The following OSBPL6 variants were observed in gnomAD, a reference collection of about 807,000 sequenced individuals.
OSBPL6 encodes the protein oxysterol binding protein like 6.
A neutral mutation model predicts 125.8 loss-of-function variants in OSBPL6; 49 were observed. The observed-to-expected ratio is 0.39, with a 90% CI of 0.31 to 0.49. The LOEUF is 0.49. Ranked by LOEUF, OSBPL6 falls within the 20% of genes least tolerant of loss-of-function variation. The probability of loss-of-function intolerance (pLI) is 0.88; values close to 1 mark genes in which losing one functional copy is unlikely to be tolerated. For synonymous variants in OSBPL6, 394 were observed against 391.8 expected (o/e 1.01, Z -0.07); for missense variants, 986 against 1,135.4 (o/e 0.87, Z 1.89).
At chr2:178,220,849 C>T (rs914744241) in intron 1 of OSBPL6, among the ~76,000 whole-genome samples, 1 of 152,170 alleles carries the variant, frequency 6.6e-6, no homozygotes, top group Non-Finnish European at 1.5e-5. Flanking sequence ...GGGATATTCT[C>T]GTCGATCTTG....
chr2:178,395,896 A>C lies in OSBPL6; in HGVS notation c.*337A>C, dbSNP rs577816881. On this transcript the variant is annotated 3_prime_UTR_variant, in exon 25 of 25. Transcript: ENST00000190611. Reference sequence around the variant, plus strand: ...GAAAAACAAATGGTAACTGGTGCTTAAAGCTGATCAAGAAAGTTAACAACA... The same window carrying C: ...GAAAAACAAATGGTAACTGGTGCTTCAAGCTGATCAAGAAAGTTAACAACA... The C allele has an allele frequency of 4.6e-5, 19 of 410,534 alleles. No homozygotes were observed. The East Asian group carries it at 1.0e-3, about 22-fold the overall frequency. 25.4% of individuals were successfully genotyped at this position (410,534 alleles called of 1,614,324 possible). A position where few individuals can be genotyped will look rare whatever the true frequency, so the allele number is the denominator to read the frequency against.
chr2:178,296,286 C>A (rs138015259), intron 2 of OSBPL6, among the ~76,000 whole-genome samples: 1 of 152,146 alleles, frequency 6.6e-6, no homozygotes, highest in African/African-American at 2.4e-5. Context: ...TTAGCACTGC[C>A]ATTTCCCAAG....
intron 1 of OSBPL6, among the ~76,000 whole-genome samples, chr2:178,205,200 G>A (rs1304874981): frequency 6.6e-6 from 1 of 152,202 alleles, no homozygotes. Flanking sequence ...GAGACAGTGA[G>A]CTGGGGGGAA....
intron 15 of OSBPL6, among the ~76,000 whole-genome samples, chr2:178,381,239 T>C (rs1381136527): frequency 3.3e-5 from 5 of 152,236 alleles, no homozygotes; most frequent in African/African-American, 1.2e-4. Flanking sequence ...ACATTGTTCC[T>C]TAATTTCATT....
intron 9 of OSBPL6, among the ~76,000 whole-genome samples, chr2:178,337,124 T>G (rs1689756057): frequency 6.6e-6 from 1 of 152,124 alleles, no homozygotes. Context: ...CCATTTCCAT[T>G]CTATGAGACA....
At chr2:178,344,713 T>C (rs937108656) in intron 11 of OSBPL6, among the ~76,000 whole-genome samples, 2 of 152,186 alleles carry the variant, frequency 1.3e-5, no homozygotes, top group Admixed American at 6.5e-5. Flanking sequence ...TTTTGCTAAC[T>C]GATTTCTCTT....
chr2:178,385,331 A>C (rs1264651749), intron 18 of OSBPL6, 127 bp from the exon 19 acceptor site: 2 of 644,590 alleles, frequency 3.1e-6, no homozygotes, highest in Non-Finnish European at 5.3e-6. Context: ...ATAAGTTCTC[A>C]GTGTTTTTAA....
rs573687373 is a variant in OSBPL6, at chr2:178,296,798, G to A, written c.-155-9232G>A. On this transcript the variant is annotated intron_variant, in intron 2 of 24. Transcript: ENST00000190611. Reference sequence around the variant, plus strand: ...ACCTGGGACCTGGCAGTGGATTCTCGGTTATGTCAGCTGTTCCTTCTCTCA... The same window carrying A: ...ACCTGGGACCTGGCAGTGGATTCTCAGTTATGTCAGCTGTTCCTTCTCTCA... Among the ~76,000 whole-genome samples the A allele has an allele frequency of 9.9e-5, 15 of 152,232 alleles. No homozygotes were observed. The East Asian group carries it at 1.2e-3, about 12-fold the overall frequency.
intron 22 of OSBPL6, 71 bp downstream of exon 22, chr2:178,391,288 C>A: frequency 7.0e-7 from 1 of 1,429,894 alleles, no homozygotes; most frequent in South Asian, 1.6e-5. Context: ...AACATCAGGT[C>A]ATCTTATGCA....
intron 3 of OSBPL6, among the ~76,000 whole-genome samples, chr2:178,315,223 C>T (rs879749872): frequency 2.6e-5 from 4 of 152,174 alleles, no homozygotes; most frequent in Non-Finnish European, 4.4e-5. Flanking sequence ...AACCTTTCAA[C>T]GAGCAGCTCC....
At chr2:178,359,001 C>T (rs572103642) in intron 12 of OSBPL6, among the ~76,000 whole-genome samples, 25 of 152,110 alleles carry the variant, frequency 1.6e-4, no homozygotes, top group Middle Eastern at 6.8e-3. Context: ...GAGACTCCAT[C>T]TCCACAAAAA....
chr2:178,391,096 G>A lies in OSBPL6; in HGVS notation c.2325G>A (p.Met775Ile). The A allele has an allele frequency of 6.2e-7, 1 of 1,613,292 alleles. No individual in the cohort carries two copies. Among genetic ancestry groups the A allele is most frequent in the Non-Finnish European group, 8.5e-7 (1 of 1,179,784 alleles). Reference protein sequence around the residue: ...FVKVNYWNSNMNEVQGVVIDQ... With the variant: ...FVKVNYWNSNINEVQGVVIDQ... Reference sequence around the variant, plus strand: ...AGGTGAATTATTGGAATTCTAACATGAATGAAGTCCAGGGGGTGGTGATAG... The same window carrying A: ...AGGTGAATTATTGGAATTCTAACATAAATGAAGTCCAGGGGGTGGTGATAG... The change falls in exon 22 of 25, where the codon ATG becomes ATA. Residue 775 changes from methionine to isoleucine, a missense_variant. Coordinates refer to ENST00000190611, the MANE Select transcript of OSBPL6 (RefSeq NM_032523.4).
intron 1 of OSBPL6, among the ~76,000 whole-genome samples, chr2:178,276,901 C>T (rs1024874084): frequency 6.6e-6 from 1 of 151,832 alleles, no homozygotes; most frequent in Non-Finnish European, 1.5e-5. Flanking sequence ...GCTGGATTCT[C>T]TGCTAGGCAG....
intron 2 of OSBPL6, among the ~76,000 whole-genome samples, chr2:178,289,607 A>C (rs561068731): frequency 1.3e-5 from 2 of 152,294 alleles, no homozygotes; most frequent in African/African-American, 4.8e-5. Context: ...TCCATATTCA[A>C]ATTTCCCTGA....
At chr2:178,277,235 G>A (rs1400220843) in intron 1 of OSBPL6, among the ~76,000 whole-genome samples, 1 of 152,128 alleles carries the variant, frequency 6.6e-6, no homozygotes, top group Non-Finnish European at 1.5e-5. Flanking sequence ...ACTATTGAGT[G>A]GTTTCTGTAA....
intron 1 of OSBPL6, among the ~76,000 whole-genome samples, chr2:178,271,042 T>C (rs2092365304): frequency 6.6e-6 from 1 of 152,162 alleles, no homozygotes; most frequent in South Asian, 2.1e-4. Context: ...TACCACAGAC[T>C]TCCACTTGTG....
chr2:178,339,820 C>A, intron 11 of OSBPL6, 56 bp downstream of exon 11: 1 of 1,302,690 alleles, frequency 7.7e-7, no homozygotes, highest in Non-Finnish European at 1.0e-6. Context: ...AAGTACTAGT[C>A]TTTATACATC....
intron 15 of OSBPL6, among the ~76,000 whole-genome samples, chr2:178,377,286 G>A (rs115625553): frequency 5.8e-4 from 88 of 152,364 alleles, no homozygotes; most frequent in African/African-American, 2.1e-3. Context: ...GAGCAAGAGA[G>A]CAAGGTGGGA....
intron 1 of OSBPL6, among the ~76,000 whole-genome samples, chr2:178,260,239 A>G (rs1020270500): frequency 6.6e-6 from 1 of 152,228 alleles, no homozygotes; most frequent in Admixed American, 6.5e-5. Flanking sequence ...GAAGATCATC[A>G]TAACCATATG....
Sources: gnomAD v4.1 joint callset for allele counts (sites outside exome capture counted in the v4.1 genomes callset) on GRCh38, gnomAD v4.1.1 for gene constraint, MANE v1.5 for transcripts, NCBI Gene and HGNC (gene_info 2026-07-23, HGNC 2026-07-21) for gene names.